Variants in FAM186A observed in about 807,000 individuals in gnomAD.
FAM186A encodes protein FAM186A.
A neutral mutation model predicts 216.8 loss-of-function variants in FAM186A; 163 were observed. That is an observed-to-expected ratio of 0.75 (90% confidence interval 0.66 to 0.86). The LOEUF is 0.86. FAM186A is among the 40% of genes least tolerant of loss of function. FAM186A has a pLI of 0.00. For missense variants in FAM186A, 2,184 were observed against 2,746.2 expected (o/e 0.80, Z 4.58); for synonymous variants, 805 against 1,025.3 (o/e 0.79, Z 4.10).
At chr12:50,379,952 T>G (rs1313706287) in intron 1 of FAM186A, among the ~76,000 whole-genome samples, 2 of 68,034 alleles carry the variant, frequency 2.9e-5, no homozygotes, top group Non-Finnish European at 6.2e-5. Flanking sequence ...AGGGTGTATG[T>G]GGGGAAAAGG....
chr12:50,373,077 GA>G (rs1491372726), intron 1 of FAM186A, among the ~76,000 whole-genome samples: 1 of 138,486 alleles, frequency 7.2e-6, no homozygotes, highest in Non-Finnish European at 1.6e-5. Context: ...GAAAGAAAGA[GA>G]AAAGAAAGAA....
chr12:50,382,246 CAAA>C (rs562315357), intron 1 of FAM186A, among the ~76,000 whole-genome samples: 7 of 57,184 alleles, frequency 1.2e-4, no homozygotes, highest in African/African-American at 1.0e-4. Flanking sequence ...AACTCCAACT[CAAA>C]AAAAAAAAAA....
chr12:50,371,406 C>T (rs1268535054), intron 1 of FAM186A, among the ~76,000 whole-genome samples: 2 of 152,002 alleles, frequency 1.3e-5, no homozygotes, highest in Non-Finnish European at 2.9e-5. Context: ...CGTGAGCCAC[C>T]GTGCCCGGCC....
intron 4 of FAM186A, among the ~76,000 whole-genome samples, chr12:50,337,890 G>A (rs1435870454): frequency 7.4e-6 from 1 of 135,818 alleles, no homozygotes; most frequent in Non-Finnish European, 1.6e-5. Flanking sequence ...GCAAGACTTC[G>A]TCTAAAAACA....
At chr12:50,328,459 A>T (rs1348548122) in intron 7 of FAM186A, among the ~76,000 whole-genome samples, 2 of 152,190 alleles carry the variant, frequency 1.3e-5, no homozygotes, top group African/African-American at 4.8e-5. Flanking sequence ...TAGCATAGAA[A>T]AATTTCAAAG....
intron 4 of FAM186A, among the ~76,000 whole-genome samples, chr12:50,346,489 T>C (rs1261212954): frequency 6.6e-6 from 1 of 152,110 alleles, no homozygotes; most frequent in Non-Finnish European, 1.5e-5. Context: ...CCTCCTACAG[T>C]GTTGGGAGAT....
At position 50,329,293 on chromosome 12, in the gene FAM186A, A is replaced by G. The variant is rs902302345; in HGVS notation, c.7034+1280T>C. Among the ~76,000 whole-genome samples the G allele has an allele frequency of 2.6e-5, 4 of 152,090 alleles. No homozygotes were observed. In the South Asian group the frequency reaches 6.2e-4, roughly 24 times the overall value. ...ACATATTTTGTCCCAAAGCCCTATA[A>G]TCATTAAATTAACAATATTATCTCT... is the stretch of plus-strand genomic sequence containing the variant. On this transcript the variant is annotated intron_variant, in intron 7 of 7. Transcript: ENST00000327337.
intron 4 of FAM186A, among the ~76,000 whole-genome samples, chr12:50,338,156 T>C (rs1475688997): frequency 6.6e-6 from 1 of 152,208 alleles, no homozygotes; most frequent in Non-Finnish European, 1.5e-5. Flanking sequence ...CTACTACTGT[T>C]GTGCTGCAAG....
chr12:50,373,021 AAGAAAG>A (rs1943160370), intron 1 of FAM186A, among the ~76,000 whole-genome samples: 2 of 144,618 alleles, frequency 1.4e-5, no homozygotes, highest in African/African-American at 5.1e-5. Flanking sequence ...GAAAGAAAGA[AAGAAAG>A]AAAGAAAGAA....
chr12:50,354,064 T>A lies in FAM186A; in HGVS notation c.2768A>T (p.Gln923Leu). ...EEEELPKSSL[Q>L]RLEEGTQKMK... The stretch of plus-strand genomic sequence containing the variant: ...TTTTTGGGTCCCTTCTTCCAGCCGC[T>A]GCAGGCTTGACTTTGGAAGCTCTTC... Residue 923 changes from glutamine (Q) to leucine (L), a missense_variant, in exon 4 of 8, where the codon CAG (glutamine) becomes CTG (leucine). Around this residue, in one of 7 missense-constraint regions of FAM186A, gnomAD observed 1,132 missense variants for 1,263.4 expected, o/e 0.90. Coordinates refer to ENST00000327337, the MANE Select transcript of FAM186A (RefSeq NM_001145475.3). 6.4e-7 allele frequency: 1 copy of A among 1,551,770 alleles called. No homozygotes were observed. Among genetic ancestry groups the A allele is most frequent in the Non-Finnish European group, 8.7e-7 (1 of 1,146,998 alleles).
intron 1 of FAM186A, among the ~76,000 whole-genome samples, chr12:50,383,301 A>T (rs2136105850): frequency 7.0e-6 from 1 of 143,646 alleles, no homozygotes; most frequent in Admixed American, 7.1e-5. Context: ...AGAGAAAGAA[A>T]AGAAACGGCT....
At chr12:50,370,621 C>T (rs1943134877) in intron 1 of FAM186A, among the ~76,000 whole-genome samples, 1 of 152,082 alleles carries the variant, frequency 6.6e-6, no homozygotes, top group Non-Finnish European at 1.5e-5. Flanking sequence ...AATAGTATCA[C>T]TATATGATCT....
intron 3 of FAM186A, among the ~76,000 whole-genome samples, chr12:50,359,272 C>T (rs931122698): frequency 2.0e-5 from 3 of 152,018 alleles, no homozygotes; most frequent in Admixed American, 2.0e-4. Flanking sequence ...GTGACACGTG[C>T]CTGTAATCCC....
chr12:50,355,308 G>T lies in FAM186A; in HGVS notation c.1524C>A (p.Ser508=), dbSNP rs773988893. 6.4e-7 allele frequency: 1 copy of T among 1,550,544 alleles called. No individual in the cohort carries two copies. Among genetic ancestry groups the T allele is most frequent in the South Asian group, 1.2e-5 (1 of 83,750 alleles). Residue 508 remains serine (S), a synonymous_variant, in exon 4 of 8, where the codon TCC becomes TCA. Transcript: ENST00000327337. ...GTGACTTTGATTTATCTTCAGAAAA[G>T]GATTTCATTTCTTTTCTTTTCTTTT... The part of the protein sequence containing the change: ...VLKKKRKEMK[S]FSEDKSKSPT...
At chr12:50,328,980 A>T (rs1942630565) in intron 7 of FAM186A, among the ~76,000 whole-genome samples, 1 of 151,940 alleles carries the variant, frequency 6.6e-6, no homozygotes, top group African/African-American at 2.4e-5. Context: ...TTAGCTAGGC[A>T]TGGTGGCATG....
intron 1 of FAM186A, among the ~76,000 whole-genome samples, chr12:50,374,995 T>C (rs1943183382): frequency 6.6e-6 from 1 of 152,006 alleles, no homozygotes; most frequent in African/African-American, 2.4e-5. Flanking sequence ...CTGGCCAACA[T>C]GACGAAACTC....
In FAM186A at chr12:50,346,320, C is replaced by T. The variant is rs367578009; in HGVS notation, c.6503+4009G>A. 2.8e-4 allele frequency among the ~76,000 whole-genome samples: 43 copies of T among 152,118 alleles called. No homozygotes were observed. The East Asian group carries it at 4.1e-3, about 14-fold the overall frequency. On this transcript the variant is annotated intron_variant, in intron 4 of 7. Coordinates refer to ENST00000327337, the MANE Select transcript of FAM186A (RefSeq NM_001145475.3). ...CATCTCAGCTCACTGCAATCTCTGCCTCCCGGGTTCAAGCAATTCTCCTGC... is the reference window on the plus strand; with the variant it reads ...CATCTCAGCTCACTGCAATCTCTGCTTCCCGGGTTCAAGCAATTCTCCTGC...
intron 4 of FAM186A, among the ~76,000 whole-genome samples, chr12:50,340,118 G>A (rs914883409): frequency 5.3e-5 from 8 of 152,064 alleles, no homozygotes; most frequent in South Asian, 2.1e-4. Flanking sequence ...GATTACAGGC[G>A]TGAGCCACAG....
Position 50,396,385 on chromosome 12 carries a change from T to C in FAM186A, c.100A>G (p.Ser34Gly), listed in dbSNP as rs1243052030. 6.4e-7 allele frequency: 1 copy of C among 1,551,660 alleles called. No individual in the cohort carries two copies. The highest frequency in any genetic ancestry group is 2.4e-5 in the East Asian group (1 of 40,920). ...IMRREPQNILSPLMLPNLEIP... is the reference protein window; with the variant it reads ...IMRREPQNILGPLMLPNLEIP... ...TCAAGGTTAGGGAGCATCAAAGGAC[T>C]AAGGATATTTTGGGGCTCTCTTCTC... The change falls in exon 1 of 8, where the codon AGT becomes GGT. Residue 34 changes from serine (S) to glycine (G), a missense_variant. Physicochemically the swap from Ser to Gly is moderately conservative, Grantham distance 56. Transcript: ENST00000327337.
Sources: gnomAD v4.1 joint callset for allele counts (sites outside exome capture counted in the v4.1 genomes callset) on GRCh38, gnomAD v4.1.1 for gene constraint, gnomAD v4.1.1 regional missense constraint, MANE v1.5 for transcripts, NCBI Gene and HGNC (gene_info 2026-07-23, HGNC 2026-07-21) for gene names.